KLHL32: variants seen among roughly 807,000 people sequenced by gnomAD.
The protein encoded by KLHL32 is kelch like family member 32.
Under a neutral mutation model 64.8 loss-of-function variants are expected in KLHL32, and 35 were observed. The observed-to-expected ratio is 0.54, with a 90% CI of 0.41 to 0.72. The LOEUF (loss-of-function observed/expected upper bound fraction) is 0.72. Among genes scored for constraint, KLHL32 ranks in the 30% least tolerant of loss-of-function variants. The pLI is 0.00. For missense variants in KLHL32, 589 were observed against 768.5 expected (o/e 0.77, Z 2.76); for synonymous variants, 259 against 281.0 (o/e 0.92, Z 0.78).
chr6:97,082,349 C>G (rs1220980412), intron 5 of KLHL32, among the ~76,000 whole-genome samples: 2 of 152,130 alleles, frequency 1.3e-5, no homozygotes, highest in African/African-American at 2.4e-5. Context: ...AGCGGTGGCT[C>G]ACACCTGTAA....
intron 7 of KLHL32, 38 bp downstream of exon 7, chr6:97,114,547 T>G (rs534385026): frequency 5.6e-6 from 9 of 1,607,392 alleles, no homozygotes; most frequent in Middle Eastern, 1.6e-4. Flanking sequence ...CAAAACACAC[T>G]TTCATTGTGG....
intron 4 of KLHL32, among the ~76,000 whole-genome samples, chr6:97,055,830 T>C (rs2128141295): frequency 9.1e-6 from 1 of 110,484 alleles, no homozygotes; most frequent in African/African-American, 3.3e-5. Flanking sequence ...AAACCCCTTC[T>C]TATTTCTATA....
intron 4 of KLHL32, chr6:97,062,244 A>G (rs1789027886): frequency 6.6e-6 from 1 of 152,246 alleles, no homozygotes; most frequent in South Asian, 2.1e-4. Flanking sequence ...GTTATCATAA[A>G]TACCAGTTGT....
intron 7 of KLHL32, among the ~76,000 whole-genome samples, chr6:97,118,356 C>T (rs546722907): frequency 2.4e-4 from 36 of 152,234 alleles, no homozygotes; most frequent in Non-Finnish European, 3.1e-4. Flanking sequence ...CAGTGGCTCA[C>T]GCCAGTAATC....
At chr6:96,903,517 T>C in the KLHL32 span, among the ~76,000 whole-genome samples, 1 of 152,212 alleles carries the variant, frequency 6.6e-6, no homozygotes, top group East Asian at 1.9e-4. Flanking sequence ...TTAGAGGATC[T>C]TTGAGAGAAC....
At chr6:97,033,055 T>C (rs1297175137) in intron 3 of KLHL32, among the ~76,000 whole-genome samples, 1 of 152,170 alleles carries the variant, frequency 6.6e-6, no homozygotes, top group African/African-American at 2.4e-5. Flanking sequence ...CTACATTTTA[T>C]TGTTACCACA....
chr6:97,009,737 C>T (rs565061684), intron 3 of KLHL32, among the ~76,000 whole-genome samples: 2 of 152,170 alleles, frequency 1.3e-5, no homozygotes, highest in African/African-American at 4.8e-5. Context: ...GTATTTCATG[C>T]TCATACCTAC....
At chr6:96,995,589 C>T (rs1778327881) in intron 3 of KLHL32, among the ~76,000 whole-genome samples, 1 of 152,256 alleles carries the variant, frequency 6.6e-6, no homozygotes, top group South Asian at 2.1e-4. Flanking sequence ...TCTGTTTATC[C>T]AGTGTTGTAG....
At chr6:96,976,322 C>T in intron 3 of KLHL32, 145 bp downstream of exon 3, 1 of 721,464 alleles carries the variant, frequency 1.4e-6, no homozygotes, top group Non-Finnish European at 2.1e-6. Context: ...GGGTAGAATG[C>T]TTCCTGGGGC....
At chr6:96,898,342 AGTT>A in the KLHL32 span, among the ~76,000 whole-genome samples, 1 of 152,182 alleles carries the variant, frequency 6.6e-6, no homozygotes, top group African/African-American at 2.4e-5. Flanking sequence ...TGGGCTCTCA[AGTT>A]GCCCTTTCCT....
chr6:97,050,554 A>G (rs1582848030), intron 4 of KLHL32, among the ~76,000 whole-genome samples: 1 of 152,160 alleles, frequency 6.6e-6, no homozygotes, highest in Non-Finnish European at 1.5e-5. Context: ...AAGCAGGAAA[A>G]TAGGGAAAGG....
chr6:97,035,611 A>G (rs955017510), intron 3 of KLHL32, among the ~76,000 whole-genome samples: 3 of 151,950 alleles, frequency 2.0e-5, no homozygotes, highest in African/African-American at 7.2e-5. Context: ...GATATTGTAT[A>G]CTTGGCAGTT....
At chr6:97,086,942 C>T (rs1362190955) in intron 6 of KLHL32, among the ~76,000 whole-genome samples, 1 of 152,228 alleles carries the variant, frequency 6.6e-6, no homozygotes, top group African/African-American at 2.4e-5. Flanking sequence ...CTTGTGGCTT[C>T]TATCTCTTTT....
intron 3 of KLHL32, among the ~76,000 whole-genome samples, chr6:97,033,317 C>T (rs1426377706): frequency 8.5e-5 from 13 of 152,124 alleles, no homozygotes; most frequent in Admixed American, 7.9e-4. Flanking sequence ...AGCATAATGT[C>T]GTCCAAGTTC....
At chr6:96,999,980 A>G (rs1480797779) in intron 3 of KLHL32, among the ~76,000 whole-genome samples, 1 of 152,244 alleles carries the variant, frequency 6.6e-6, no homozygotes, top group Non-Finnish European at 1.5e-5. Context: ...GGGGAGGGAA[A>G]GAGAGCAGGA....
At chr6:96,927,543 C>A (rs1769313087) in intron 1 of KLHL32, among the ~76,000 whole-genome samples, 1 of 152,134 alleles carries the variant, frequency 6.6e-6, no homozygotes, top group African/African-American at 2.4e-5. Flanking sequence ...TAGTGGACTT[C>A]ACTGAAGTAG....
At chr6:96,938,995 A>G (rs535423227) in intron 1 of KLHL32, among the ~76,000 whole-genome samples, 2 of 152,142 alleles carry the variant, frequency 1.3e-5, no homozygotes, top group African/African-American at 2.4e-5. Context: ...TTACTGCTCT[A>G]TGGATGTAGG....
upstream of KLHL32, chr6:96,924,619 T>G (rs1400030788): frequency 6.6e-6 from 1 of 151,886 alleles, no homozygotes; most frequent in African/African-American, 2.4e-5. Flanking sequence ...CGGAGCCCTG[T>G]GGCGTCTGAA....
At chr6:96,984,922 TA>T (rs1776819851) in intron 3 of KLHL32, among the ~76,000 whole-genome samples, 1 of 152,206 alleles carries the variant, frequency 6.6e-6, no homozygotes, top group Non-Finnish European at 1.5e-5. Flanking sequence ...ATTATGATCT[TA>T]GCTGGTTATT....
Sources: allele counts gnomAD v4.1 joint callset (sites outside exome capture counted in the v4.1 genomes callset), GRCh38; gene constraint gnomAD v4.1.1; transcripts MANE v1.5; gene names NCBI Gene and HGNC (gene_info 2026-07-23, HGNC 2026-07-21).